The following GALNT18 variants were observed in gnomAD, a reference collection of about 807,000 sequenced individuals.
The protein encoded by GALNT18 is GalNAc-transferase 18.
GALNT18 carries 44 observed loss-of-function variants against 69.5 expected under a neutral mutation model. The ratio of observed to expected loss-of-function variants is 0.63; its 90% confidence interval spans 0.50 to 0.81. The LOEUF (loss-of-function observed/expected upper bound fraction) is 0.81, where lower values mean the gene tolerates loss of function less well. GALNT18 is among the 40% of genes least tolerant of loss of function. GALNT18 has a pLI of 0.00. For missense variants in GALNT18, 715 were observed against 810.0 expected (o/e 0.88, Z 1.42); for synonymous variants, 364 against 318.2 (o/e 1.14, Z -1.53).
In GALNT18 at chr11:11,341,090, G is replaced by T; in HGVS notation, c.1093-86C>A. 2 of 1,336,146 alleles carry T rather than the reference G, an allele frequency of 1.5e-6. No homozygotes were observed. Among genetic ancestry groups the T allele is most frequent in the Non-Finnish European group, 2.0e-6 (2 of 975,954 alleles). The allele number at this position is 1,336,146 out of a possible 1,614,324, so 82.8% of individuals were successfully genotyped here. A position where few individuals can be genotyped will look rare whatever the true frequency, so the allele number is the denominator to read the frequency against. On this transcript the variant is annotated intron_variant, in intron 6 of 10. Transcript: ENST00000227756. The surrounding 1 kb of genome is among the most constrained non-coding windows in gnomAD (Gnocchi z 6.3). Reference sequence around the variant, plus strand: ...CTCAGGCAGCCACTTGACATGAGCAGGAAGAAAGTCAGCCCCTTCACCTTG... The same window carrying T: ...CTCAGGCAGCCACTTGACATGAGCATGAAGAAAGTCAGCCCCTTCACCTTG...
chr11:11,571,561 A>G (rs897037731), intron 1 of GALNT18, among the ~76,000 whole-genome samples: 1 of 152,186 alleles, frequency 6.6e-6, no homozygotes, highest in African/African-American at 2.4e-5. Flanking sequence ...CTTCCTGGGC[A>G]GTGAGGCCCA....
intron 1 of GALNT18, among the ~76,000 whole-genome samples, chr11:11,579,719 G>C (rs1186466179): frequency 6.6e-6 from 1 of 152,212 alleles, no homozygotes; most frequent in African/African-American, 2.4e-5. Context: ...AAATGATTAA[G>C]CCCATTCCTG....
intron 3 of GALNT18, among the ~76,000 whole-genome samples, chr11:11,385,125 G>C (rs1287633235): frequency 6.6e-6 from 1 of 152,076 alleles, no homozygotes; most frequent in South Asian, 2.1e-4. Context: ...AGGGAGGCAA[G>C]AGAGAGTGGG....
At chr11:11,384,363 C>T (rs987110615) in intron 3 of GALNT18, among the ~76,000 whole-genome samples, 1 of 152,064 alleles carries the variant, frequency 6.6e-6, no homozygotes, top group Admixed American at 6.6e-5. Flanking sequence ...CTGGGAAGCC[C>T]AAGAACAAGA....
chr11:11,306,311 C>T (rs141469487), intron 9 of GALNT18, among the ~76,000 whole-genome samples: 109 of 151,938 alleles, frequency 7.2e-4, no homozygotes, highest in African/African-American at 2.3e-3. Context: ...GACTCACTAG[C>T]AATCTTGGTG....
intron 2 of GALNT18, among the ~76,000 whole-genome samples, chr11:11,442,455 C>T (rs143751415): frequency 6.6e-6 from 1 of 152,220 alleles, no homozygotes; most frequent in African/African-American, 2.4e-5. Flanking sequence ...TTCTGTCTAC[C>T]CATGAAACCA....
At chr11:11,307,975 A>G (rs968052631) in intron 9 of GALNT18, among the ~76,000 whole-genome samples, 24 of 152,196 alleles carry the variant, frequency 1.6e-4, no homozygotes, top group African/African-American at 5.5e-4. Context: ...GCCAGGGGTG[A>G]CCGCAGTGGC....
chr11:11,611,121 A>G (rs1463503289), intron 1 of GALNT18, among the ~76,000 whole-genome samples: 1 of 152,214 alleles, frequency 6.6e-6, no homozygotes, highest in East Asian at 1.9e-4. Context: ...TAAAGGAATA[A>G]AGTTACATTT....
intron 1 of GALNT18, among the ~76,000 whole-genome samples, chr11:11,559,742 A>T (rs1012645606): frequency 1.3e-5 from 2 of 151,216 alleles, no homozygotes; most frequent in Non-Finnish European, 3.0e-5. Flanking sequence ...ATGGGGTATG[A>T]TGGGATGGGA....
At position 11,341,545 on chromosome 11, in the gene GALNT18, G is replaced by C. The variant is rs961273705; in HGVS notation, c.1093-541C>G. On this transcript the variant is annotated intron_variant, in intron 6 of 10. Transcript: ENST00000227756. The surrounding 1 kb of genome is among the most constrained non-coding windows in gnomAD (Gnocchi z 6.3). ...CTCTGGGTTCTGACTGAATCTGAGGGAGAGCGCTGCAAAGAAGGAAATGAT... is the reference window on the plus strand; with the variant it reads ...CTCTGGGTTCTGACTGAATCTGAGGCAGAGCGCTGCAAAGAAGGAAATGAT... Among the ~76,000 whole-genome samples, 3 of 152,180 alleles carry C rather than the reference G, an allele frequency of 2.0e-5. No homozygotes were observed. Among genetic ancestry groups the C allele is most frequent in the Non-Finnish European group, 4.4e-5 (3 of 68,040 alleles).
chr11:11,296,084 A>C (rs1238950850), intron 9 of GALNT18, among the ~76,000 whole-genome samples: 1 of 152,188 alleles, frequency 6.6e-6, no homozygotes, highest in East Asian at 1.9e-4. Flanking sequence ...GTTAGACATC[A>C]CACCCATACC....
In GALNT18 at chr11:11,430,435, T is replaced by C. The variant is rs887741368; in HGVS notation, c.595+2186A>G. On this transcript the variant is annotated intron_variant, in intron 3 of 10. Coordinates refer to ENST00000227756, the MANE Select transcript of GALNT18 (RefSeq NM_198516.3). The surrounding 1 kb of genome is among the most constrained non-coding windows in gnomAD (Gnocchi z 4.9). Reference sequence around the variant, plus strand: ...AGGCAGGCACTGGTTTGGGTGTGCATATACAGCTCGATGCAGTTGTGATGA... The same window carrying C: ...AGGCAGGCACTGGTTTGGGTGTGCACATACAGCTCGATGCAGTTGTGATGA... Among the ~76,000 whole-genome samples, 1 of 152,210 alleles carries C rather than the reference T, an allele frequency of 6.6e-6. No homozygotes were observed. Among genetic ancestry groups the C allele is most frequent in the Non-Finnish European group, 1.5e-5 (1 of 68,046 alleles).
intron 1 of GALNT18, among the ~76,000 whole-genome samples, chr11:11,607,802 T>C (rs1225837196): frequency 6.6e-6 from 1 of 152,166 alleles, no homozygotes; most frequent in Non-Finnish European, 1.5e-5. Context: ...ACCAAGGAGC[T>C]AGGAAATGAG....
Position 11,543,522 on chromosome 11 carries a change from C to A in GALNT18, c.235+77837G>T, listed in dbSNP as rs1324473809. ...AGAGCCTGGCTTCTGCACAGGACAC[C>A]ATTCACCAAGTGCTGCTGGAGTCTT... On this transcript the variant is annotated intron_variant, in intron 1 of 10. Transcript: ENST00000227756. The surrounding 1 kb of genome is among the most constrained non-coding windows in gnomAD (Gnocchi z 5.1). Among the ~76,000 whole-genome samples the A allele has an allele frequency of 6.6e-6, 1 of 152,136 alleles. No homozygotes were observed. Among genetic ancestry groups the A allele is most frequent in the Non-Finnish European group, 1.5e-5 (1 of 68,018 alleles).
chr11:11,428,888 GTGTGTA>G (rs1204976381), intron 3 of GALNT18, among the ~76,000 whole-genome samples: 3 of 152,226 alleles, frequency 2.0e-5, no homozygotes, highest in African/African-American at 7.2e-5. Context: ...TTCCCATCGT[GTGTGTA>G]TGGGTGTGAG....
At chr11:11,460,694 A>G (rs1856021151) in intron 1 of GALNT18, among the ~76,000 whole-genome samples, 1 of 152,202 alleles carries the variant, frequency 6.6e-6, no homozygotes, top group South Asian at 2.1e-4. Flanking sequence ...TGACCCACAC[A>G]GACGGAATCA....
chr11:11,288,063 T>C (rs1047924381), intron 10 of GALNT18, among the ~76,000 whole-genome samples: 1 of 152,194 alleles, frequency 6.6e-6, no homozygotes, highest in African/African-American at 2.4e-5. Flanking sequence ...CTAGCCTCTT[T>C]CCTTCTGATC....
At chr11:11,473,031 G>A (rs12284912) in intron 1 of GALNT18, among the ~76,000 whole-genome samples, 37,812 of 151,754 alleles carry the variant, frequency 0.25, 4,950 homozygotes, top group East Asian at 0.39. Context: ...CAGCAAGCAG[G>A]AGGCAGGGGT....
At chr11:11,392,570 G>A (rs1334065672) in intron 3 of GALNT18, among the ~76,000 whole-genome samples, 1 of 152,154 alleles carries the variant, frequency 6.6e-6, no homozygotes, top group Non-Finnish European at 1.5e-5. Flanking sequence ...GGTGAGCAGA[G>A]ATCGCGCCAT....
Sources: gnomAD v4.1 joint callset for allele counts (sites outside exome capture counted in the v4.1 genomes callset) on GRCh38, gnomAD v4.1.1 for gene constraint, Gnocchi (gnomAD v3.1) non-coding constraint, MANE v1.5 for transcripts, NCBI Gene and HGNC (gene_info 2026-07-23, HGNC 2026-07-21) for gene names.